The following KLF12 variants were observed in gnomAD, a reference collection of about 807,000 sequenced individuals.
KLF12 encodes Krueppel-like factor 12.
In KLF12, 9 loss-of-function variants were observed where a neutral mutation model predicts 37.8. The observed-to-expected ratio is 0.24, with a 90% CI of 0.14 to 0.42. The LOEUF (loss-of-function observed/expected upper bound fraction) is 0.42, where lower values mean the gene tolerates loss of function less well. KLF12 is among the 10% of genes least tolerant of loss of function. The probability of loss-of-function intolerance (pLI) is 1.00; values close to 1 mark genes in which losing one functional copy is unlikely to be tolerated. For synonymous variants in KLF12, 208 were observed against 202.1 expected, an observed-to-expected ratio of 1.03 and a Z score of -0.25; for missense variants, 411 against 516.0, an observed-to-expected ratio of 0.80 and a Z score of 1.97.
chr13:74,187,562 T>C, the KLF12 span, among the ~76,000 whole-genome samples: 1 of 152,144 alleles, frequency 6.6e-6, no homozygotes, highest in Admixed American at 6.5e-5. Context: ...GAAGCTTATA[T>C]AGAGTGATTT....
chr13:74,167,551 G>A, the KLF12 span, among the ~76,000 whole-genome samples: 8 of 152,196 alleles, frequency 5.3e-5, no homozygotes, highest in Non-Finnish European at 1.2e-4. Context: ...TGAAACGTTA[G>A]CAAAGATCTG....
chr13:73,820,093 CAGA>C (rs1883441539), intron 4 of KLF12, among the ~76,000 whole-genome samples: 1 of 152,068 alleles, frequency 6.6e-6, no homozygotes, highest in Admixed American at 6.6e-5. Context: ...GGGTACTGAG[CAGA>C]AGGATGACAT....
intron 3 of KLF12, among the ~76,000 whole-genome samples, chr13:73,906,087 C>T (rs1888277798): frequency 1.3e-5 from 2 of 152,148 alleles, no homozygotes; most frequent in Admixed American, 6.5e-5. Flanking sequence ...ACTCTCACCA[C>T]AACGATTGTG....
intron 3 of KLF12, among the ~76,000 whole-genome samples, chr13:73,907,846 C>A (rs951240138): frequency 6.6e-6 from 1 of 152,180 alleles, no homozygotes; most frequent in African/African-American, 2.4e-5. Context: ...GATTGACCCT[C>A]TCCCTTCCTT....
At chr13:73,707,805 A>G (rs973516831) in intron 7 of KLF12, among the ~76,000 whole-genome samples, 3 of 152,188 alleles carry the variant, frequency 2.0e-5, no homozygotes, top group Admixed American at 6.5e-5. Flanking sequence ...CCACTTCAGA[A>G]TCTCATCCAG....
chr13:73,771,299 C>A (rs1450977169), intron 5 of KLF12, among the ~76,000 whole-genome samples: 2 of 152,302 alleles, frequency 1.3e-5, no homozygotes, highest in East Asian at 3.9e-4. Context: ...TGTCATATCT[C>A]CAGTACCTGG....
intron 2 of KLF12, among the ~76,000 whole-genome samples, chr13:73,991,838 C>T (rs561519420): frequency 6.6e-6 from 1 of 152,308 alleles, no homozygotes; most frequent in East Asian, 1.9e-4. Flanking sequence ...CTATTACAAT[C>T]CCTCTATCCT....
the KLF12 span, among the ~76,000 whole-genome samples, chr13:74,219,637 T>C: frequency 6.6e-6 from 1 of 152,300 alleles, no homozygotes; most frequent in African/African-American, 2.4e-5. Flanking sequence ...GTTTAAGAAA[T>C]AATTTCTTTA....
At chr13:74,203,725 T>A in the KLF12 span, among the ~76,000 whole-genome samples, 7 of 152,060 alleles carry the variant, frequency 4.6e-5, no homozygotes, top group African/African-American at 1.7e-4. Flanking sequence ...AGAAATTAAT[T>A]ATGTCAGGGA....
the KLF12 span, among the ~76,000 whole-genome samples, chr13:74,254,127 T>A: frequency 6.6e-6 from 1 of 152,240 alleles, no homozygotes; most frequent in Non-Finnish European, 1.5e-5. Flanking sequence ...TATATGTATA[T>A]GTCATGCAGG....
intron 4 of KLF12, among the ~76,000 whole-genome samples, chr13:73,831,633 C>A (rs1331101860): frequency 1.3e-5 from 2 of 152,158 alleles, no homozygotes; most frequent in Non-Finnish European, 1.5e-5. Context: ...GACCTTGCTG[C>A]AATTATTCAA....
chr13:73,827,702 A>G (rs1365801378), intron 4 of KLF12, among the ~76,000 whole-genome samples: 1 of 152,146 alleles, frequency 6.6e-6, no homozygotes, highest in African/African-American at 2.4e-5. Context: ...AGCTGGGATT[A>G]CAGGCACCCA....
the KLF12 span, among the ~76,000 whole-genome samples, chr13:74,196,041 G>A: frequency 6.6e-6 from 1 of 152,176 alleles, no homozygotes; most frequent in African/African-American, 2.4e-5. Flanking sequence ...CTCTTGATAT[G>A]CATGCATATA....
intron 1 of KLF12, among the ~76,000 whole-genome samples, chr13:74,130,617 G>A (rs550436274): frequency 7.4e-5 from 11 of 149,288 alleles, no homozygotes; most frequent in Admixed American, 3.4e-4. Flanking sequence ...CTGCAGTCCC[G>A]CCTGGGTGAC....
intron 1 of KLF12, among the ~76,000 whole-genome samples, chr13:74,038,135 T>C (rs1215408748): frequency 1.3e-5 from 2 of 152,190 alleles, no homozygotes; most frequent in African/African-American, 4.8e-5. Context: ...ATTATACCAA[T>C]GTCAATTTCT....
intron 1 of KLF12, among the ~76,000 whole-genome samples, chr13:74,073,486 C>T (rs1874392774): frequency 6.6e-6 from 1 of 152,104 alleles, no homozygotes; most frequent in Non-Finnish European, 1.5e-5. Flanking sequence ...TTAGAGAAAA[C>T]AGTCAATAAC....
the KLF12 span, among the ~76,000 whole-genome samples, chr13:74,193,368 A>G: frequency 6.6e-6 from 1 of 152,200 alleles, no homozygotes; most frequent in African/African-American, 2.4e-5. Context: ...AGACATACCT[A>G]TGAGGTAGAA....
At chr13:73,955,126 G>C (rs1890792817) in intron 2 of KLF12, among the ~76,000 whole-genome samples, 1 of 152,108 alleles carries the variant, frequency 6.6e-6, no homozygotes, top group South Asian at 2.1e-4. Flanking sequence ...AAGAGGCAAT[G>C]TATATAAACT....
At chr13:74,255,657 C>G in the KLF12 span, among the ~76,000 whole-genome samples, 1 of 152,162 alleles carries the variant, frequency 6.6e-6, no homozygotes, top group Non-Finnish European at 1.5e-5. Flanking sequence ...AAAATTGTGT[C>G]TCTAGCCTAG....
Sources: gnomAD v4.1 joint callset for allele counts (sites outside exome capture counted in the v4.1 genomes callset) on GRCh38, gnomAD v4.1.1 for gene constraint, MANE v1.5 for transcripts, NCBI Gene and HGNC (gene_info 2026-07-23, HGNC 2026-07-21) for gene names.